Variants in VAT1L observed in about 807,000 individuals in gnomAD.
The protein encoded by VAT1L is putative NADPH-dependent quinone oxidoreductase VAT1L.
Under a neutral mutation model 44.1 loss-of-function variants are expected in VAT1L, and 34 were observed. The ratio of observed to expected loss-of-function variants is 0.77; its 90% CI spans 0.59 to 1.03. The LOEUF (loss-of-function observed/expected upper bound fraction) is 1.03. VAT1L is among the 50% of genes least tolerant of loss of function. The pLI, the probability that VAT1L is intolerant of heterozygous loss-of-function variation, is 0.00. For missense variants in VAT1L, 615 were observed against 538.8 expected (o/e 1.14, Z -1.40); for synonymous variants, 253 against 202.2 (o/e 1.25, Z -2.13).
chr16:77,802,185 T>C (rs962302820), intron 1 of VAT1L, among the ~76,000 whole-genome samples: 5 of 152,230 alleles, frequency 3.3e-5, no homozygotes, highest in African/African-American at 9.6e-5. Flanking sequence ...TTTTGCATTT[T>C]TAGCAGTTTT....
intron 7 of VAT1L, among the ~76,000 whole-genome samples, chr16:77,894,838 T>G (rs1032913538): frequency 2.0e-5 from 3 of 152,038 alleles, no homozygotes; most frequent in African/African-American, 7.2e-5. Flanking sequence ...TCAGGAGAAC[T>G]TGGGAGATGG....
intron 7 of VAT1L, among the ~76,000 whole-genome samples, chr16:77,896,032 T>C (rs948750708): frequency 2.0e-5 from 3 of 152,154 alleles, no homozygotes; most frequent in African/African-American, 7.2e-5. Flanking sequence ...GAAAGGTTCA[T>C]CAGGCTGAGC....
At position 77,825,023 on chromosome 16, in the gene VAT1L, C is replaced by T. The variant is rs189210007; in HGVS notation, c.364-223C>T. On this transcript the variant is annotated intron_variant, in intron 2 of 8. Coordinates refer to ENST00000302536, the MANE Select transcript of VAT1L (RefSeq NM_020927.3). ...CTGGGACTACAGGCATGCGCCATCA[C>T]GCCTGGTGAATTTTTGTATTTTTAG... is the stretch of plus-strand genomic sequence containing the variant. Among the ~76,000 whole-genome samples, 13 of 151,848 alleles carry T rather than the reference C, an allele frequency of 8.6e-5. No homozygotes were observed. In the East Asian group the frequency reaches 2.2e-3, roughly 26 times the overall value.
chr16:77,791,796 G>T (rs1004488572), intron 1 of VAT1L, among the ~76,000 whole-genome samples: 1 of 152,130 alleles, frequency 6.6e-6, no homozygotes, highest in Non-Finnish European at 1.5e-5. Context: ...GAGACATTTT[G>T]GTCAAATGCA....
intron 4 of VAT1L, among the ~76,000 whole-genome samples, chr16:77,867,767 G>A (rs556028490): frequency 1.3e-5 from 2 of 151,894 alleles, no homozygotes; most frequent in African/African-American, 4.8e-5. Flanking sequence ...GCTGAGACAG[G>A]AGAATTGCTT....
At chr16:77,890,537 G>A (rs1303348940) in intron 7 of VAT1L, among the ~76,000 whole-genome samples, 1 of 152,138 alleles carries the variant, frequency 6.6e-6, no homozygotes, top group Non-Finnish European at 1.5e-5. Flanking sequence ...TACAGCTGTG[G>A]TCTCTGATTA....
At chr16:77,954,423 G>A (rs376981015) in intron 7 of VAT1L, among the ~76,000 whole-genome samples, 33 of 152,236 alleles carry the variant, frequency 2.2e-4, no homozygotes, top group African/African-American at 6.7e-4. Context: ...TCAGGAGTTC[G>A]AGACCAGCCT....
intron 4 of VAT1L, among the ~76,000 whole-genome samples, chr16:77,873,752 A>C (rs2017057808): frequency 6.6e-6 from 1 of 152,180 alleles, no homozygotes; most frequent in African/African-American, 2.4e-5. Context: ...GGTCCTCTGG[A>C]AAGATCGTAT....
chr16:77,799,234 C>CCT (rs925680753), intron 1 of VAT1L, among the ~76,000 whole-genome samples: 2 of 149,912 alleles, frequency 1.3e-5, no homozygotes, highest in African/African-American at 2.5e-5. Context: ...CTTGTCTCTC[C>CCT]CTCTCTCTCT....
chr16:77,882,588 G>T (rs949595461), intron 6 of VAT1L, among the ~76,000 whole-genome samples: 1 of 152,232 alleles, frequency 6.6e-6, no homozygotes, highest in Non-Finnish European at 1.5e-5. Context: ...GAAGTTAAGA[G>T]ATTTGCCTAA....
chr16:77,831,572 GAA>G (rs983015157), intron 3 of VAT1L, among the ~76,000 whole-genome samples: 1 of 152,092 alleles, frequency 6.6e-6, no homozygotes, highest in Non-Finnish European at 1.5e-5. Flanking sequence ...CAAATTGAGG[GAA>G]AGTCTATAAA....
chr16:77,932,370 G>A (rs761266766), intron 7 of VAT1L, among the ~76,000 whole-genome samples: 8 of 152,068 alleles, frequency 5.3e-5, no homozygotes, highest in Non-Finnish European at 1.2e-4. Flanking sequence ...CTCCAAAAGT[G>A]CTAGGATTAC....
At chr16:77,945,278 C>CTTTTTTTTTTTTTT (rs56055464) in intron 7 of VAT1L, among the ~76,000 whole-genome samples, 14,744 of 83,000 alleles carry the variant, frequency 0.18, 3,462 homozygotes, top group Non-Finnish European at 0.26. Flanking sequence ...GATTGCAGAA[C>CTTTTTTTTTTTTTT]TTTTTTTTTT....
chr16:77,840,252 C>G (rs1075355), intron 3 of VAT1L, among the ~76,000 whole-genome samples: 21,582 of 152,166 alleles, frequency 0.14, 2,319 homozygotes, highest in African/African-American at 0.3. Flanking sequence ...AATGGGCAGT[C>G]CAGCATATTA....
intron 7 of VAT1L, among the ~76,000 whole-genome samples, chr16:77,953,910 G>A (rs1278877521): frequency 6.6e-6 from 1 of 152,052 alleles, no homozygotes; most frequent in Admixed American, 6.6e-5. Flanking sequence ...TTTCCAGCAT[G>A]CAACTTTGCT....
intron 7 of VAT1L, among the ~76,000 whole-genome samples, chr16:77,947,668 C>G (rs1464629616): frequency 6.6e-6 from 1 of 152,244 alleles, no homozygotes; most frequent in African/African-American, 2.4e-5. Flanking sequence ...CACTCACGCC[C>G]AGTCCCCTGA....
intron 4 of VAT1L, among the ~76,000 whole-genome samples, chr16:77,866,928 C>T (rs2016980607): frequency 6.6e-6 from 1 of 152,146 alleles, no homozygotes; most frequent in Non-Finnish European, 1.5e-5. Flanking sequence ...CCCTCAGGTG[C>T]ACTTGAAGGT....
chr16:77,791,939 G>A (rs2015842884), intron 1 of VAT1L, among the ~76,000 whole-genome samples: 2 of 152,198 alleles, frequency 1.3e-5, no homozygotes, highest in South Asian at 4.1e-4. Context: ...TACGCAACAA[G>A]AGGTTTAAGT....
At position 77,825,248 on chromosome 16, in the gene VAT1L, T is replaced by C. The variant is rs2016504959; in HGVS notation, c.366T>C (p.Ile122=). The change falls in exon 3 of 9, where the codon ATT becomes ATC. Residue 122 remains isoleucine (I), a splice_region_variant and synonymous_variant. Coordinates refer to ENST00000302536, the MANE Select transcript of VAT1L (RefSeq NM_020927.3). ...ALGDSVKGYE[I]GDRVMAFVNY... is the part of the protein sequence containing the mutation. ...ACTCTGTGTTTCCCCATGCCCAGAT[T>C]GGAGACCGTGTCATGGCATTTGTCA... 1.9e-6 allele frequency: 3 copies of C among 1,613,934 alleles called. No individual in the cohort carries two copies. The South Asian group carries it at 3.3e-5, about 18-fold the overall frequency.
Sources: gnomAD v4.1 joint callset for allele counts (sites outside exome capture counted in the v4.1 genomes callset) on GRCh38, gnomAD v4.1.1 for gene constraint, MANE v1.5 for transcripts, NCBI Gene and HGNC (gene_info 2026-07-23, HGNC 2026-07-21) for gene names.